Variants in AUH observed in about 807,000 individuals in gnomAD.
AUH encodes AU RNA binding methylglutaconyl-CoA hydratase.
AUH carries 29 observed loss-of-function variants against 42.3 expected under a neutral mutation model. The ratio of observed to expected loss-of-function variants is 0.69; its 90% CI spans 0.51 to 0.93. AUH has a LOEUF of 0.93. Among genes scored for constraint, AUH ranks in the 40% least tolerant of loss-of-function variants. The pLI, the probability that AUH is intolerant of heterozygous loss-of-function variation, is 0.00. For missense variants in AUH, 452 were observed against 438.1 expected (o/e 1.03, Z -0.28); for synonymous variants, 174 against 166.4 (o/e 1.05, Z -0.35).
At chr9:91,285,552 TACA>T (rs1329105450) in intron 6 of AUH, among the ~76,000 whole-genome samples, 1 of 147,860 alleles carries the variant, frequency 6.8e-6, no homozygotes, top group Non-Finnish European at 1.5e-5. Flanking sequence ...CCTGTTTGAC[TACA>T]ACAACAGTAT....
In AUH at chr9:91,345,830, C is replaced by T. The variant is rs568400989; in HGVS notation, c.418+10053G>A. 1.5e-3 allele frequency among the ~76,000 whole-genome samples: 119 copies of T among 81,560 alleles called. 2 individuals are homozygous for T. The highest frequency in any genetic ancestry group is 3.8e-3 in the African/African-American group (109 of 28,920). The allele number at this position is 81,560 out of a possible 152,430, so 53.5% of individuals were successfully genotyped here. On this transcript the variant is annotated intron_variant, in intron 3 of 9. Transcript: ENST00000375731. Reference sequence around the variant, plus strand: ...CCTGGGTGACAGAGTGAGACTCCATCGCAAAAAAAAAAAAAAAAAAGTACC... The same window carrying T: ...CCTGGGTGACAGAGTGAGACTCCATTGCAAAAAAAAAAAAAAAAAAGTACC...
chr9:91,293,110 G>C (rs55642352), intron 6 of AUH, among the ~76,000 whole-genome samples: 42,048 of 151,962 alleles, frequency 0.28, 6,916 homozygotes, highest in African/African-American at 0.45. Context: ...CTCAACCAAC[G>C]GGCTGTTCCC....
intron 6 of AUH, among the ~76,000 whole-genome samples, chr9:91,264,484 T>C (rs1829865234): frequency 1.3e-5 from 2 of 152,228 alleles, no homozygotes; most frequent in Admixed American, 6.5e-5. Flanking sequence ...TTCTGGACTA[T>C]TGTATAGCCA....
At chr9:91,350,329 G>C (rs935937406) in intron 3 of AUH, among the ~76,000 whole-genome samples, 1 of 152,158 alleles carries the variant, frequency 6.6e-6, no homozygotes, top group East Asian at 1.9e-4. Flanking sequence ...AGAAAACTCT[G>C]TCCTAACTGT....
chr9:91,263,194 C>T (rs1829791950), intron 6 of AUH, among the ~76,000 whole-genome samples: 1 of 152,158 alleles, frequency 6.6e-6, no homozygotes, highest in Non-Finnish European at 1.5e-5. Flanking sequence ...GATTCTGAAG[C>T]CCCATCCTCA....
At position 91,214,419 on chromosome 9, in the gene AUH, G is replaced by A. The variant is rs747631104; in HGVS notation, c.949C>T (p.Pro317Ser). ...IEEACYAQTI[P>S]TKDRLEGLLA... is the part of the protein sequence containing the mutation. ...AGACCTTCAAGTCTGTCTTTTGTTG[G>A]AATGGTCTAAGAAAAACAAAATATT... is the stretch of plus-strand genomic sequence containing the variant. The change falls in exon 10 of 10, where the codon CCA becomes TCA. Residue 317 changes from proline to serine, a missense_variant. Coordinates refer to ENST00000375731, the MANE Select transcript of AUH (RefSeq NM_001698.3). 3.2e-5 allele frequency: 51 copies of A among 1,606,712 alleles called. No homozygotes were observed. Among genetic ancestry groups the A allele is most frequent in the Non-Finnish European group, 8.5e-7 (1 of 1,176,186 alleles).
At chr9:91,361,302 AAG>A (rs527296528) in intron 1 of AUH, among the ~76,000 whole-genome samples, 6 of 152,348 alleles carry the variant, frequency 3.9e-5, no homozygotes, top group African/African-American at 1.4e-4. Flanking sequence ...GCCTGGTAGC[AAG>A]GATTAAATCC....
intron 6 of AUH, among the ~76,000 whole-genome samples, chr9:91,233,422 G>C (rs2131301865): frequency 6.6e-6 from 1 of 152,262 alleles, no homozygotes; most frequent in East Asian, 1.9e-4. Flanking sequence ...GGGCCCAAAA[G>C]GACCTGGGGT....
At chr9:91,269,142 A>G (rs1309848258) in intron 6 of AUH, among the ~76,000 whole-genome samples, 3 of 152,146 alleles carry the variant, frequency 2.0e-5, no homozygotes, top group African/African-American at 7.2e-5. Flanking sequence ...CACCATGCCC[A>G]GCTAATTTTT....
chr9:91,335,802 T>A (rs1444583931), intron 3 of AUH, among the ~76,000 whole-genome samples: 1 of 152,238 alleles, frequency 6.6e-6, no homozygotes, highest in African/African-American at 2.4e-5. Context: ...TAGGGGACTT[T>A]TTCTAATTAC....
Position 91,291,037 on chromosome 9 carries a change from C to T in AUH, c.655+4984G>A, listed in dbSNP as rs188443298. 5.9e-5 allele frequency among the ~76,000 whole-genome samples: 9 copies of T among 152,276 alleles called. No individual in the cohort carries two copies. In the East Asian group the frequency reaches 1.7e-3, roughly 29 times the overall value. ...TTTGTAGTGTGGTTCCTTCGAGAGGCTCTGTGAGAAAATCTGTTCCATGCC... is the reference window on the plus strand; with the variant it reads ...TTTGTAGTGTGGTTCCTTCGAGAGGTTCTGTGAGAAAATCTGTTCCATGCC... On this transcript the variant is annotated intron_variant, in intron 6 of 9. Coordinates refer to ENST00000375731, the MANE Select transcript of AUH (RefSeq NM_001698.3).
At chr9:91,286,395 T>C (rs1161271972) in intron 6 of AUH, among the ~76,000 whole-genome samples, 2 of 152,158 alleles carry the variant, frequency 1.3e-5, no homozygotes, top group Admixed American at 1.3e-4. Context: ...ATGAAACCTC[T>C]GTGCTCTAAT....
intron 5 of AUH, among the ~76,000 whole-genome samples, chr9:91,297,647 T>C (rs1827455663): frequency 6.6e-6 from 1 of 151,762 alleles, no homozygotes. Context: ...AGCTGGAGTG[T>C]AATGGCACGA....
chr9:91,228,451 T>C (rs1318452839), intron 6 of AUH, among the ~76,000 whole-genome samples: 3 of 147,312 alleles, frequency 2.0e-5, no homozygotes, highest in Non-Finnish European at 3.0e-5. Flanking sequence ...TCTTTTTTTC[T>C]TTATTAGTCT....
intron 7 of AUH, among the ~76,000 whole-genome samples, chr9:91,219,957 TAG>T (rs1388363471): frequency 6.6e-6 from 1 of 152,106 alleles, no homozygotes; most frequent in Non-Finnish European, 1.5e-5. Context: ...AACCCTGAGT[TAG>T]AGAGAAAAAT....
intron 6 of AUH, among the ~76,000 whole-genome samples, chr9:91,268,171 C>A (rs1024297100): frequency 3.9e-5 from 6 of 152,196 alleles, no homozygotes; most frequent in African/African-American, 1.2e-4. Context: ...AAACTTTATT[C>A]ACGCAGAAAC....
At position 91,285,969 on chromosome 9, in the gene AUH, G is replaced by A. The variant is rs140352135; in HGVS notation, c.655+10052C>T. On this transcript the variant is annotated intron_variant, in intron 6 of 9. Transcript: ENST00000375731. Reference sequence around the variant, plus strand: ...CACATCGGTAAAATGTCAACATTATGTAAGCCTCTTTTTTAAAAAAAATCG... The same window carrying A: ...CACATCGGTAAAATGTCAACATTATATAAGCCTCTTTTTTAAAAAAAATCG... Among the ~76,000 whole-genome samples, 90 of 152,204 alleles carry A rather than the reference G, an allele frequency of 5.9e-4. 1 individual carries two copies. The highest frequency in any genetic ancestry group is 2.1e-3 in the African/African-American group (86 of 41,532).
intron 6 of AUH, among the ~76,000 whole-genome samples, chr9:91,232,304 T>C (rs1827933870): frequency 6.6e-6 from 1 of 152,094 alleles, no homozygotes. Context: ...GCCTAGGAAG[T>C]GGATGCTACA....
intron 6 of AUH, among the ~76,000 whole-genome samples, chr9:91,232,610 C>G (rs537771983): frequency 6.6e-6 from 1 of 152,308 alleles, no homozygotes; most frequent in African/African-American, 2.4e-5. Flanking sequence ...TCCAGATCAG[C>G]AAGCAGAAAC....
Sources: gnomAD v4.1 joint callset for allele counts (sites outside exome capture counted in the v4.1 genomes callset) on GRCh38, gnomAD v4.1.1 for gene constraint, MANE v1.5 for transcripts, NCBI Gene and HGNC (gene_info 2026-07-23, HGNC 2026-07-21) for gene names.